CSMD3: variants seen among roughly 807,000 people sequenced by gnomAD.
The protein encoded by CSMD3 is CUB and sushi domain-containing protein 3.
In CSMD3, 177 loss-of-function variants were observed where a neutral mutation model predicts 435.2. The observed-to-expected ratio is 0.41, with a 90% CI of 0.36 to 0.46. CSMD3 has a LOEUF of 0.46. CSMD3 is among the 20% of genes least tolerant of loss of function. The pLI is 0.34. For missense variants in CSMD3, 4,265 were observed against 4,504.6 expected, an observed-to-expected ratio of 0.95 and a Z score of 1.52; for synonymous variants, 1,656 against 1,520.5, an observed-to-expected ratio of 1.09 and a Z score of -2.07.
At chr8:112,651,662 C>T (rs201339361) in intron 18 of CSMD3, among the ~76,000 whole-genome samples, 4 of 151,894 alleles carry the variant, frequency 2.6e-5, no homozygotes, top group East Asian at 1.9e-4. Context: ...CTCAGCCTCC[C>T]GAGTAGCTGG....
At chr8:112,599,322 C>A (rs1397644155) in intron 22 of CSMD3, among the ~76,000 whole-genome samples, 2 of 150,282 alleles carry the variant, frequency 1.3e-5, no homozygotes, top group East Asian at 3.9e-4. Context: ...CAATGAGATA[C>A]CATCTCACAC....
At chr8:112,265,655 A>G (rs750631009) in intron 59 of CSMD3, 65 bp from the exon 60 acceptor site, 2 of 1,081,776 alleles carry the variant, frequency 1.8e-6, no homozygotes, top group Non-Finnish European at 2.9e-6. Context: ...GAGGAGTAGT[A>G]AGCATATGGC....
At chr8:113,290,443 C>A (rs2093678474) in intron 2 of CSMD3, among the ~76,000 whole-genome samples, 1 of 151,612 alleles carries the variant, frequency 6.6e-6, no homozygotes, top group African/African-American at 2.4e-5. Flanking sequence ...GAGAATATAA[C>A]AATTACTCTT....
At chr8:112,466,783 T>G (rs909952483) in intron 32 of CSMD3, among the ~76,000 whole-genome samples, 1 of 152,076 alleles carries the variant, frequency 6.6e-6, no homozygotes, top group Admixed American at 6.6e-5. Context: ...TGTAATTACC[T>G]AAGTCTATCA....
intron 11 of CSMD3, among the ~76,000 whole-genome samples, chr8:112,830,207 A>C (rs2079829225): frequency 6.6e-6 from 1 of 152,202 alleles, no homozygotes; most frequent in Non-Finnish European, 1.5e-5. Context: ...TAAAGTTAAC[A>C]TGCAGAAACA....
chr8:112,927,948 C>A (rs986383400), intron 9 of CSMD3, among the ~76,000 whole-genome samples: 2 of 152,026 alleles, frequency 1.3e-5, no homozygotes, highest in African/African-American at 4.8e-5. Flanking sequence ...AATATTTATG[C>A]CAACTACTGC....
intron 32 of CSMD3, among the ~76,000 whole-genome samples, chr8:112,433,225 A>C (rs1813907650): frequency 6.9e-6 from 1 of 144,290 alleles, no homozygotes; most frequent in South Asian, 2.2e-4. Flanking sequence ...TAGCATTGCA[A>C]ACAGCTACCT....
chr8:112,965,857 C>G (rs189551542), intron 7 of CSMD3, among the ~76,000 whole-genome samples: 4 of 151,778 alleles, frequency 2.6e-5, no homozygotes, highest in Non-Finnish European at 3.0e-5. Flanking sequence ...ATTGCTTTGA[C>G]AATTTCAAAA....
Position 112,534,879 on chromosome 8 carries a change from T to C in CSMD3, c.4564+15792A>G, listed in dbSNP as rs577322794. On this transcript the variant is annotated intron_variant, in intron 27 of 70. Transcript: ENST00000297405. ...TGGGATGCAAGGCTGGTTCAATATA[T>C]GCAAATCAATAAATGTAATCCAGCA... is the stretch of plus-strand genomic sequence containing the variant. 1.5e-4 allele frequency among the ~76,000 whole-genome samples: 23 copies of C among 152,142 alleles called. No individual in the cohort carries two copies. The South Asian group carries it at 3.3e-3, about 22-fold the overall frequency.
At chr8:113,015,640 G>A (rs2086427142) in intron 6 of CSMD3, among the ~76,000 whole-genome samples, 4 of 151,782 alleles carry the variant, frequency 2.6e-5, no homozygotes, top group Admixed American at 1.3e-4. Context: ...AATGCTGAAT[G>A]TTGAATAATT....
intron 2 of CSMD3, among the ~76,000 whole-genome samples, chr8:113,294,719 A>T (rs929924942): frequency 1.8e-4 from 28 of 152,198 alleles, no homozygotes; most frequent in Admixed American, 1.6e-3. Context: ...ATAGTAGCCC[A>T]TATTGACTAT....
chr8:112,594,284 C>T (rs950714566), intron 22 of CSMD3, among the ~76,000 whole-genome samples: 2 of 152,158 alleles, frequency 1.3e-5, no homozygotes, highest in African/African-American at 4.8e-5. Context: ...CGGGTCACTC[C>T]CACTCGAATA....
rs932254710 is a variant in CSMD3 at position 112,224,713 on chromosome 8, A to T, written c.*58T>A. ...TTTAATTTGTTTAGCAGTGAACTAA[A>T]TGTGCACTGTTTTGTGTGTCGATTT... On this transcript the variant is annotated 3_prime_UTR_variant, in exon 71 of 71. Transcript: ENST00000297405. The T allele has an allele frequency of 1.9e-5, 29 of 1,549,828 alleles. No individual in the cohort carries two copies. The highest frequency in any genetic ancestry group is 2.5e-5 in the Non-Finnish European group (28 of 1,121,540).
chr8:112,483,388 G>A (rs1486688172), intron 31 of CSMD3, among the ~76,000 whole-genome samples: 1 of 152,050 alleles, frequency 6.6e-6, no homozygotes, highest in Admixed American at 6.6e-5. Flanking sequence ...AGCTACTCAG[G>A]AGGCTTAGGC....
At chr8:112,858,756 G>C (rs2080739271) in intron 11 of CSMD3, among the ~76,000 whole-genome samples, 1 of 151,732 alleles carries the variant, frequency 6.6e-6, no homozygotes, top group Non-Finnish European at 1.5e-5. Context: ...TATAGCAATA[G>C]AGAAACATTG....
At chr8:113,303,587 G>A (rs906697670) in intron 2 of CSMD3, among the ~76,000 whole-genome samples, 2 of 145,946 alleles carry the variant, frequency 1.4e-5, no homozygotes, top group African/African-American at 5.1e-5. Context: ...GAACAGAACA[G>A]AGCCCTCAGA....
intron 13 of CSMD3, among the ~76,000 whole-genome samples, chr8:112,785,771 CA>C (rs974972054): frequency 2.1e-4 from 32 of 151,770 alleles, no homozygotes; most frequent in African/African-American, 7.7e-4. Context: ...AACATTTACG[CA>C]AGACATTTAA....
chr8:112,700,214 G>C (rs772956855), intron 13 of CSMD3, among the ~76,000 whole-genome samples: 1 of 152,092 alleles, frequency 6.6e-6, no homozygotes, highest in Non-Finnish European at 1.5e-5. Flanking sequence ...TCAAAAGGTA[G>C]AGTCAGCTGG....
chr8:113,266,318 A>G (rs756457082), intron 3 of CSMD3, among the ~76,000 whole-genome samples: 16 of 151,364 alleles, frequency 1.1e-4, no homozygotes, highest in Non-Finnish European at 1.2e-4. Context: ...AAAGACAAAG[A>G]TTATATAAGT....
Sources: allele counts gnomAD v4.1 joint callset (sites outside exome capture counted in the v4.1 genomes callset), GRCh38; gene constraint gnomAD v4.1.1; transcripts MANE v1.5; gene names NCBI Gene and HGNC (gene_info 2026-07-23, HGNC 2026-07-21).